The following TTN variants were observed in gnomAD, a reference collection of about 807,000 sequenced individuals.
TTN encodes the protein titin.
Under a neutral mutation model 3,223.0 loss-of-function variants are expected in TTN, and 1,525 were observed. That is an observed-to-expected ratio of 0.47 (90% CI 0.45 to 0.49). TTN has a LOEUF of 0.49. Among genes scored for constraint, TTN ranks in the 20% least tolerant of loss-of-function variants. The probability of loss-of-function intolerance (pLI) is 0.00; values close to 1 mark genes in which losing one functional copy is unlikely to be tolerated. For missense variants in TTN, 40,786 were observed against 43,424.0 expected (o/e 0.94, Z 5.40); for synonymous variants, 14,094 against 15,161.0 (o/e 0.93, Z 5.17).
In TTN at chr2:178,593,175, A is replaced by C; in HGVS notation, c.59033T>G (p.Ile19678Ser). 1 of 1,613,072 alleles carries C rather than the reference A, an allele frequency of 6.2e-7. No homozygotes were observed. Among genetic ancestry groups the C allele is most frequent in the Non-Finnish European group, 8.5e-7 (1 of 1,179,474 alleles). The change falls in exon 299 of 363, where the codon ATT becomes AGT. Residue 19678 changes from isoleucine (I) to serine (S), a missense_variant and splice_region_variant. By Grantham distance (142) the Ile-to-Ser change is moderately radical (BLOSUM62 -2). Coordinates refer to ENST00000589042, the MANE Select transcript of TTN (RefSeq NM_001267550.2). Reference sequence around the variant, plus strand: ...GAATAAATCCATTAATACTATACCAATTGGATCTTTAGCAAAGACTGGTTT... The same window carrying C: ...GAATAAATCCATTAATACTATACCACTTGGATCTTTAGCAAAGACTGGTTT... Reference protein sequence around the residue: ...PSKPVFAKDPIAKPSPPVNPE... With the variant: ...PSKPVFAKDPSAKPSPPVNPE...
At position 178,616,634 on chromosome 2, in the gene TTN, A is replaced by G; in HGVS notation, c.48161-4T>C. 7 of 1,610,786 alleles carry G rather than the reference A, an allele frequency of 4.3e-6. No homozygotes were observed. The highest frequency in any genetic ancestry group is 5.9e-6 in the Non-Finnish European group (7 of 1,178,372). On this transcript the variant is annotated splice_region_variant and splice_polypyrimidine_tract_variant and intron_variant, in intron 256 of 362. Transcript: ENST00000589042. ...TCTTTGGGTGCACTTGGGCGAGCTG[A>G]AAAAAAATGCACTCACGAGTCACTG...
intron 241 of TTN, 93 bp from the exon 242 acceptor site, chr2:178,624,824 T>C (rs2058787709): frequency 1.4e-6 from 2 of 1,419,046 alleles, no homozygotes; most frequent in Non-Finnish European, 1.9e-6. Flanking sequence ...TCCAGGGCTT[T>C]GTTCTGTCCT....
In TTN at chr2:178,750,046, T is replaced by C. The variant is rs1457275507; in HGVS notation, c.11311+3078A>G. 1.2e-6 allele frequency: 2 copies of C among 1,613,238 alleles called. No homozygotes were observed. Among genetic ancestry groups the C allele is most frequent in the Non-Finnish European group, 1.7e-6 (2 of 1,179,508 alleles). Reference sequence around the variant, plus strand: ...CAGTTTGAAACACTTCTTTAGACTCTTTATCCTGTTCTGGGATAGGAGTAG... The same window carrying C: ...CAGTTTGAAACACTTCTTTAGACTCCTTATCCTGTTCTGGGATAGGAGTAG... On this transcript the variant is annotated intron_variant, in intron 47 of 362. Coordinates refer to ENST00000589042, the MANE Select transcript of TTN (RefSeq NM_001267550.2).
rs1371961339 is a variant in TTN at position 178,725,882 on chromosome 2, A to G, written c.20440T>C (p.Phe6814Leu). 1 of 1,613,176 alleles carries G rather than the reference A, an allele frequency of 6.2e-7. No individual in the cohort carries two copies. Among genetic ancestry groups the G allele is most frequent in the Non-Finnish European group, 8.5e-7 (1 of 1,179,484 alleles). The stretch of plus-strand genomic sequence containing the variant: ...TTGAGAATGTGAATACTTGTGTGGA[A>G]GTTTTTGGATGCAATCTTGTATTTC... ...SKKYKIASKN[F>L]HTSIHILNVD... The change falls in exon 70 of 363, where the codon TTC becomes CTC. Residue 6814 changes from phenylalanine to leucine, a missense_variant. Phe to Leu is a conservative substitution (Grantham distance 22, BLOSUM62 0). Coordinates refer to ENST00000589042, the MANE Select transcript of TTN (RefSeq NM_001267550.2).
rs755547631 is a variant in TTN at position 178,530,918 on chromosome 2, T to G, written c.105697A>C (p.Arg35233=). The G allele has an allele frequency of 4.3e-6, 7 of 1,613,910 alleles. No individual in the cohort carries two copies. Among genetic ancestry groups the G allele is most frequent in the Non-Finnish European group, 5.9e-6 (7 of 1,179,894 alleles). Residue 35233 remains arginine (R), a synonymous_variant, in exon 358 of 363, where the codon AGA becomes CGA. Transcript: ENST00000589042. ...VTEKAVTSPP[R]VKSPEPRVKS... ...ACCCGAGGCTCTGGGGATTTGACTC[T>G]TGGTGGTGATGTCACAGCCTTTTCA...
rs72647868 is a variant in TTN, at chr2:178,782,570, C to T, written c.3133G>A (p.Val1045Met). 1.4e-4 allele frequency: 226 copies of T among 1,613,948 alleles called. 1 individual carries two copies. Among genetic ancestry groups the T allele is most frequent in the Admixed American group, 3.2e-4 (19 of 60,004 alleles). The change falls in exon 19 of 363, where the codon GTG (valine) becomes ATG (methionine). Residue 1045 changes from valine (V) to methionine (M), a missense_variant. By Grantham distance (21) the Val-to-Met change is conservative. Transcript: ENST00000589042. ...TCTTCTGTAGTAAATTTCTCAGTCA[C>T]GGCTGTGGTTTCCTTTTCAAATTCT... ...SEEFEKETTA[V>M]TEKFTTEEKR...
Position 178,535,062 on chromosome 2 carries a change from T to A in TTN, c.101553A>T (p.Lys33851Asn). 2 of 1,613,932 alleles carry A rather than the reference T, an allele frequency of 1.2e-6. No homozygotes were observed. The highest frequency in any genetic ancestry group is 1.7e-6 in the Non-Finnish European group (2 of 1,179,846). Residue 33851 changes from lysine to asparagine, a missense_variant, in exon 358 of 363, where the codon AAA becomes AAT. Coordinates refer to ENST00000589042, the MANE Select transcript of TTN (RefSeq NM_001267550.2). The stretch of plus-strand genomic sequence containing the variant: ...CCAAAACCTGATCAGTCCCTTTGAC[T>A]TTAACAAATTTGGCCATGTATGTCT... ...SKKTYMAKFV[K>N]VKGTDQVLVK... is the part of the protein sequence containing the mutation.
In TTN at chr2:178,738,208, G is replaced by A. The variant is rs1553934752; in HGVS notation, c.14245C>T (p.Arg4749Ter). 8 of 1,613,642 alleles carry A rather than the reference G, an allele frequency of 5.0e-6. No homozygotes were observed. Among genetic ancestry groups the A allele is most frequent in the African/African-American group, 1.3e-5 (1 of 75,006 alleles). Residue 4749 changes from arginine to a stop codon, truncating the protein, a stop_gained, in exon 49 of 363, where the codon CGA (arginine) becomes TGA (stop). Coordinates refer to ENST00000589042, the MANE Select transcript of TTN (RefSeq NM_001267550.2). LOFTEE classifies it high-confidence loss of function. Reference protein sequence around the residue: ...EIYESDKCSIRSSKYISSLEI... With the variant: ...EIYESDKCSI Reference sequence around the variant, plus strand: ...AGGCTGGAGATATACTTTGAAGATCGAATAGAACACTTGTCACTCTCATAA... The same window carrying A: ...AGGCTGGAGATATACTTTGAAGATCAAATAGAACACTTGTCACTCTCATAA...
chr2:178,766,526 G>A lies in TTN; in HGVS notation c.9558C>T (p.Ile3186=). ...DAHWYKDGIE[I]NFQVQERHKY... ...TGTGTCGTTCTTGAACTTGGAAATTGATTTCAATGCCATCTTTATACCAGT... is the reference window on the plus strand; with the variant it reads ...TGTGTCGTTCTTGAACTTGGAAATTAATTTCAATGCCATCTTTATACCAGT... The change falls in exon 41 of 363, where the codon ATC becomes ATT. Residue 3186 remains isoleucine (I), a synonymous_variant. Transcript: ENST00000589042. 1 of 1,614,030 alleles carries A rather than the reference G, an allele frequency of 6.2e-7. No homozygotes were observed. Among genetic ancestry groups the A allele is most frequent in the Admixed American group, 1.7e-5 (1 of 60,006 alleles).
At position 178,734,378 on chromosome 2, in the gene TTN, A is replaced by G. The variant is rs1367341896; in HGVS notation, c.15446T>C (p.Val5149Ala). ...SADVGEYECV[V>A]ANEVGKCGCM... ...GCCACACTTGCCGACTTCATTAGCA[A>G]CAACACATTCATATTCACCAACATC... Residue 5149 changes from valine to alanine, a missense_variant, in exon 52 of 363, where the codon GTT becomes GCT. Transcript: ENST00000589042. 1 of 1,611,628 alleles carries G rather than the reference A, an allele frequency of 6.2e-7. No individual in the cohort carries two copies. Among genetic ancestry groups the G allele is most frequent in the South Asian group, 1.1e-5 (1 of 90,786 alleles).
At chr2:178,769,142 G>A (rs183486507) in intron 37 of TTN, among the ~76,000 whole-genome samples, 3 of 151,996 alleles carry the variant, frequency 2.0e-5, no homozygotes, top group Admixed American at 2.0e-4. Context: ...TAGACACTGA[G>A]GCATCTTTCC....
chr2:178,532,972 T>C lies in TTN; in HGVS notation c.103643A>G (p.Tyr34548Cys). The C allele has an allele frequency of 6.2e-7, 1 of 1,613,944 alleles. No homozygotes were observed. Among genetic ancestry groups the C allele is most frequent in the Non-Finnish European group, 8.5e-7 (1 of 1,179,868 alleles). Residue 34548 changes from tyrosine to cysteine, a missense_variant, in exon 358 of 363, where the codon TAT becomes TGT. By Grantham distance (194) the Tyr-to-Cys change is radical. Coordinates refer to ENST00000589042, the MANE Select transcript of TTN (RefSeq NM_001267550.2). ...MPYDVPEPRK[Y>C]KQTTIEEDQR... is the part of the protein sequence containing the mutation. ...GTCTTCTTCTATGGTAGTCTGCTTA[T>C]ACTTGCGTGGCTCTGGTACATCATA...
chr2:178,583,096 GTGTGCCATCTT>G lies in TTN; in HGVS notation c.65696_65706del (p.Lys21899ThrfsTer37). ...TTTATGCCTTCTGCTGGTTTTAGCA[GTGTGCCATCTT>G]TTTTCCAAGAAACTGTTGGCATCGG... is the stretch of plus-strand genomic sequence containing the variant. On this transcript the variant is annotated frameshift_variant, in exon 313 of 363. Coordinates refer to ENST00000589042, the MANE Select transcript of TTN (RefSeq NM_001267550.2). LOFTEE classifies it high-confidence loss of function. 1 of 1,611,472 alleles carries G rather than the reference GTGTGCCATCTT, an allele frequency of 6.2e-7. No individual in the cohort carries two copies. The highest frequency in any genetic ancestry group is 8.5e-7 in the Non-Finnish European group (1 of 1,178,638).
chr2:178,663,812 C>T lies in TTN; in HGVS notation c.36448+7G>A, dbSNP rs2154259040. ...GAGATCTGAAGCCTAAGGTCAGTGG[C>T]AACTACCTTTAACAGGTGGGACTTC... is the stretch of plus-strand genomic sequence containing the variant. On this transcript the variant is annotated splice_region_variant and intron_variant, in intron 170 of 362. Transcript: ENST00000589042. 1 of 1,613,484 alleles carries T rather than the reference C, an allele frequency of 6.2e-7. No individual in the cohort carries two copies. Among genetic ancestry groups the T allele is most frequent in the Non-Finnish European group, 8.5e-7 (1 of 1,179,786 alleles).
intron 217 of TTN, chr2:178,644,921 G>A (rs1202881219): frequency 3.7e-6 from 1 of 267,660 alleles, no homozygotes. Context: ...ATTTATGTGT[G>A]TGTCTTCATG....
rs1560270165 is a variant in TTN at position 178,673,688 on chromosome 2, T to C, written c.34731A>G (p.Ala11577=). The C allele has an allele frequency of 1.9e-6, 3 of 1,591,570 alleles. No individual in the cohort carries two copies. The change falls in exon 152 of 363, where the codon GCA becomes GCG. Residue 11577 remains alanine (A), a synonymous_variant. Transcript: ENST00000589042. ...GAACAGGAGTAGGTGCTTCAGGTAC[T>C]GCTTTCTTAATCACTTCAGGCACTT... ...PPRVPEVIKK[A]VPEAPTPVPK...
chr2:178,556,645 A>G (rs950778907), intron 330 of TTN: 2 of 605,030 alleles, frequency 3.3e-6, no homozygotes, highest in Admixed American at 3.2e-5. Flanking sequence ...TGAGGTCTAA[A>G]TCTCTCACTT....
In TTN at chr2:178,554,177, A is replaced by G. The variant is rs774597895; in HGVS notation, c.88934T>C (p.Ile29645Thr). The G allele has an allele frequency of 3.1e-6, 5 of 1,609,456 alleles. No homozygotes were observed. The Admixed American group carries it at 8.4e-5, about 27-fold the overall frequency. The change falls in exon 333 of 363, where the codon ATT (isoleucine) becomes ACT (threonine). Residue 29645 changes from isoleucine to threonine, a missense_variant. By Grantham distance (89) the Ile-to-Thr change is moderately conservative. Transcript: ENST00000589042. ...GPPGIPEVTK[I>T]TKNSMTVVWS... The stretch of plus-strand genomic sequence containing the variant: ...TACAACAGTCATCGAATTCTTGGTA[A>G]TCTTTGTCACTTCTGGTATGCCTGG...
Position 178,554,479 on chromosome 2 carries a change from T to C in TTN, c.88868A>G (p.Asp29623Gly). 1 of 1,613,562 alleles carries C rather than the reference T, an allele frequency of 6.2e-7. No individual in the cohort carries two copies. The highest frequency in any genetic ancestry group is 1.7e-4 in the Middle Eastern group (1 of 6,058). The change falls in exon 332 of 363, where the codon GAT (aspartate) becomes GGT (glycine). Residue 29623 changes from aspartate to glycine, a missense_variant. By Grantham distance (94) the Asp-to-Gly change is moderately conservative (BLOSUM62 -1). Transcript: ENST00000589042. ...KYGIGEPLES[D>G]SVVAKNAFVT... ...AAATGCGTTCTTGGCTACAACGGAA[T>C]CAGATTCCAGTGGCTCGCCAATTCC...
Sources: gnomAD v4.1 joint callset for allele counts (sites outside exome capture counted in the v4.1 genomes callset) on GRCh38, gnomAD v4.1.1 for gene constraint, MANE v1.5 for transcripts, NCBI Gene and HGNC (gene_info 2026-07-23, HGNC 2026-07-21) for gene names.